STARD13: variants seen among roughly 807,000 people sequenced by gnomAD.
STARD13 encodes StAR related lipid transfer domain containing 13.
STARD13 carries 62 observed loss-of-function variants against 106.4 expected under a neutral mutation model. That is an observed-to-expected ratio of 0.58 (90% CI 0.48 to 0.72). The LOEUF is 0.72. STARD13 is among the 30% of genes least tolerant of loss of function. The probability of loss-of-function intolerance (pLI) is 0.00; values close to 1 mark genes in which losing one functional copy is unlikely to be tolerated. For missense variants in STARD13, 1,387 were observed against 1,424.0 expected (o/e 0.97, Z 0.42); for synonymous variants, 565 against 553.0 (o/e 1.02, Z -0.31).
chr13:33,236,092 A>C (rs1179933779), intron 1 of STARD13, among the ~76,000 whole-genome samples: 1 of 152,202 alleles, frequency 6.6e-6, no homozygotes, highest in African/African-American at 2.4e-5. Flanking sequence ...TTTTTATTAC[A>C]AATCGTGAGT....
At chr13:33,173,154 A>G (rs1884164018) in intron 1 of STARD13, among the ~76,000 whole-genome samples, 1 of 152,222 alleles carries the variant, frequency 6.6e-6, no homozygotes, top group South Asian at 2.1e-4. Flanking sequence ...ATTAAAGTAT[A>G]TCAAAGGTGT....
intron 1 of STARD13, among the ~76,000 whole-genome samples, chr13:33,227,644 A>G (rs1888693699): frequency 6.6e-6 from 1 of 152,178 alleles, no homozygotes; most frequent in African/African-American, 2.4e-5. Context: ...GAAAAAGGTA[A>G]TTTAGGGTAT....
the STARD13 span, among the ~76,000 whole-genome samples, chr13:33,646,132 C>T: frequency 6.6e-6 from 1 of 152,146 alleles, no homozygotes; most frequent in Non-Finnish European, 1.5e-5. Context: ...ACTGCACATA[C>T]TCAGAGAGCA....
Position 33,130,214 on chromosome 13 carries a change from G to A in STARD13, c.463C>T (p.Arg155Cys), listed in dbSNP as rs1421699713. ...TFQRTSRRWS[R>C]VDDLYTLLPR... The stretch of plus-strand genomic sequence containing the variant: ...AGCAGCGTGTAGAGGTCGTCCACAC[G>A]AGACCACCTGCGACTGGTTCTTTGG... The change falls in exon 5 of 14, where the codon CGT becomes TGT. Residue 155 changes from arginine (R) to cysteine (C), a missense_variant. Arg to Cys is a radical substitution (Grantham distance 180, BLOSUM62 -3). Coordinates refer to ENST00000336934, the MANE Select transcript of STARD13 (RefSeq NM_178006.4). This position sits in a 1 kb window ranked among gnomAD's most constrained non-coding sequence, Gnocchi z 4.1. 2 of 1,611,458 alleles carry A rather than the reference G, an allele frequency of 1.2e-6. No homozygotes were observed. The highest frequency in any genetic ancestry group is 2.2e-5 in the East Asian group (1 of 44,858).
At chr13:33,248,840 G>T (rs934013645) in intron 1 of STARD13, among the ~76,000 whole-genome samples, 1 of 152,164 alleles carries the variant, frequency 6.6e-6, no homozygotes, top group Non-Finnish European at 1.5e-5. Flanking sequence ...TTTATTGAAT[G>T]AGCTTGATAC....
chr13:33,198,027 G>A (rs1016354230), intron 1 of STARD13, among the ~76,000 whole-genome samples: 2 of 150,950 alleles, frequency 1.3e-5, no homozygotes, highest in East Asian at 2.0e-4. Flanking sequence ...AAAATTAGCC[G>A]GGCATGGTGG....
the STARD13 span, chr13:33,661,378 A>T: frequency 6.6e-6 from 1 of 152,204 alleles, no homozygotes; most frequent in Non-Finnish European, 1.5e-5. Context: ...AGCCAAGGGA[A>T]GAGGAAGTAA....
chr13:33,633,699 G>GT, the STARD13 span, among the ~76,000 whole-genome samples: 10 of 152,212 alleles, frequency 6.6e-5, no homozygotes, highest in East Asian at 1.9e-4. Context: ...CTGGTTCCAG[G>GT]TTTTTTTATT....
chr13:33,645,118 C>T, the STARD13 span, among the ~76,000 whole-genome samples: 3 of 152,096 alleles, frequency 2.0e-5, no homozygotes, highest in African/African-American at 7.2e-5. Context: ...TCCCCTTGAC[C>T]CTTGGCTGGC....
At chr13:33,401,015 C>G in the STARD13 span, among the ~76,000 whole-genome samples, 1 of 152,126 alleles carries the variant, frequency 6.6e-6, no homozygotes, top group Non-Finnish European at 1.5e-5. Context: ...GACTGTAGAT[C>G]CTTGAAATAA....
intron 1 of STARD13, among the ~76,000 whole-genome samples, chr13:33,184,459 T>G (rs897833157): frequency 2.0e-5 from 3 of 151,974 alleles, no homozygotes; most frequent in Non-Finnish European, 4.4e-5. Flanking sequence ...AAAGTAAAGG[T>G]GGGAACAGAT....
chr13:33,134,142 G>A (rs142071095), intron 4 of STARD13, among the ~76,000 whole-genome samples: 6 of 152,288 alleles, frequency 3.9e-5, no homozygotes, highest in African/African-American at 7.2e-5. Flanking sequence ...AGGTTCCCAC[G>A]TTGTGGACAA....
the STARD13 span, among the ~76,000 whole-genome samples, chr13:33,356,505 G>T: frequency 6.6e-6 from 1 of 152,106 alleles, no homozygotes; most frequent in Non-Finnish European, 1.5e-5. Context: ...TAGCCAACTA[G>T]GTTCATACCA....
the STARD13 span, among the ~76,000 whole-genome samples, chr13:33,503,367 G>A: frequency 6.6e-6 from 1 of 152,034 alleles, no homozygotes; most frequent in Non-Finnish European, 1.5e-5. Context: ...AGGGTTTTTT[G>A]TGTCTCTATC....
At chr13:33,606,157 TG>T in the STARD13 span, among the ~76,000 whole-genome samples, 2 of 152,032 alleles carry the variant, frequency 1.3e-5, no homozygotes, top group African/African-American at 4.8e-5. Flanking sequence ...AAAAATTAGC[TG>T]GGTGTAGTGG....
chr13:33,506,285 T>A, the STARD13 span, among the ~76,000 whole-genome samples: 1 of 152,160 alleles, frequency 6.6e-6, no homozygotes, highest in African/African-American at 2.4e-5. Context: ...CTGAATCAGG[T>A]ACTTTTTTTG....
chr13:33,234,119 A>G (rs1458883697), intron 1 of STARD13, among the ~76,000 whole-genome samples: 1 of 152,202 alleles, frequency 6.6e-6, no homozygotes, highest in Non-Finnish European at 1.5e-5. Context: ...AATATGCCAG[A>G]CTGGCTGTGT....
the STARD13 span, among the ~76,000 whole-genome samples, chr13:33,417,784 G>A: frequency 6.6e-6 from 1 of 152,094 alleles, no homozygotes; most frequent in South Asian, 2.1e-4. Flanking sequence ...GGGGGAAATG[G>A]CGATTGATTG....
chr13:33,287,963 A>G (rs1236938301), upstream of STARD13, among the ~76,000 whole-genome samples: 1 of 152,110 alleles, frequency 6.6e-6, no homozygotes, highest in Non-Finnish European at 1.5e-5. Context: ...AGCTTTGGAG[A>G]GCACTTAAAG....
Sources: gnomAD v4.1 joint callset for allele counts (sites outside exome capture counted in the v4.1 genomes callset) on GRCh38, gnomAD v4.1.1 for gene constraint, Gnocchi (gnomAD v3.1) non-coding constraint, MANE v1.5 for transcripts, NCBI Gene and HGNC (gene_info 2026-07-23, HGNC 2026-07-21) for gene names.